The following SIRT3 variants were observed in gnomAD, a reference collection of about 807,000 sequenced individuals.
SIRT3 encodes sirtuin 3.
A neutral mutation model predicts 33.5 loss-of-function variants in SIRT3; 26 were observed. The observed-to-expected ratio is 0.78, with a 90% CI of 0.57 to 1.08. SIRT3 has a LOEUF of 1.08. Among genes scored for constraint, SIRT3 ranks in the 50% least tolerant of loss-of-function variants. SIRT3 has a pLI of 0.00. For synonymous variants in SIRT3, 237 were observed against 222.1 expected, an observed-to-expected ratio of 1.07 and a Z score of -0.60; for missense variants, 585 against 530.1, an observed-to-expected ratio of 1.10 and a Z score of -1.02.
At chr11:217,108 C>T (rs1304902246) in intron 6 of SIRT3, among the ~76,000 whole-genome samples, 3 of 152,240 alleles carry the variant, frequency 2.0e-5, no homozygotes, top group Non-Finnish European at 4.4e-5. Context: ...TAAGCCACTT[C>T]CAAAACTCCA....
At chr11:234,429 T>TTTTGTTTTGTTTTGTTTTG (rs1858609149) in intron 1 of SIRT3, among the ~76,000 whole-genome samples, 1 of 147,794 alleles carries the variant, frequency 6.8e-6, no homozygotes, top group African/African-American at 2.4e-5. Flanking sequence ...TTTTGTTTTG[T>TTTTGTTTTGTTTTGTTTTG]TTTGAGACGG....
At chr11:236,006 G>C (rs202235223) in intron 1 of SIRT3, 42 bp downstream of exon 1, 48 of 1,423,526 alleles carry the variant, frequency 3.4e-5, no homozygotes, top group Middle Eastern at 3.7e-4. Context: ...GCGAGGTGTC[G>C]ACAACGAACA....
chr11:224,100 A>G lies in SIRT3; in HGVS notation c.947T>C (p.Leu316Pro), dbSNP rs1374797893. Reference sequence around the variant, plus strand: ...AACCTCCAGGGAGGTCCCAAGGATGAGCAGCAGATCTGCCATGGGGAAATC... The same window carrying G: ...AACCTCCAGGGAGGTCCCAAGGATGGGCAGCAGATCTGCCATGGGGAAATC... The part of the protein sequence containing the change: ...VVDFPMADLL[L>P]ILGTSLEVEP... The change falls in exon 5 of 7, where the codon CTC becomes CCC. Residue 316 changes from leucine (L) to proline (P), a missense_variant. Physicochemically the swap from Leu to Pro is moderately conservative, Grantham distance 98. Coordinates refer to ENST00000382743, the MANE Select transcript of SIRT3 (RefSeq NM_012239.6). 4 of 1,614,224 alleles carry G rather than the reference A, an allele frequency of 2.5e-6. No homozygotes were observed. The East Asian group carries it at 8.9e-5, about 36-fold the overall frequency.
chr11:222,081 G>C (rs1292314616), intron 5 of SIRT3, among the ~76,000 whole-genome samples: 1 of 152,146 alleles, frequency 6.6e-6, no homozygotes, highest in African/African-American at 2.4e-5. Context: ...GGTGGCCCAA[G>C]TGTCCACACC....
intron 4 of SIRT3, among the ~76,000 whole-genome samples, chr11:228,158 T>C (rs955257379): frequency 2.0e-5 from 3 of 152,178 alleles, no homozygotes; most frequent in African/African-American, 7.2e-5. Context: ...CAGTACATAT[T>C]TATAGTAAAA....
chr11:219,485 G>A (rs1189289125), intron 5 of SIRT3, among the ~76,000 whole-genome samples: 1 of 152,134 alleles, frequency 6.6e-6, no homozygotes, highest in Non-Finnish European at 1.5e-5. Flanking sequence ...GCACCCAGAC[G>A]AGCTGGTGCC....
At chr11:234,617 G>A (rs1007551500) in intron 1 of SIRT3, among the ~76,000 whole-genome samples, 4 of 152,090 alleles carry the variant, frequency 2.6e-5, no homozygotes, top group Non-Finnish European at 4.4e-5. Flanking sequence ...GGGTTTCACT[G>A]TGTTAGCCAG....
At position 218,823 on chromosome 11, in the gene SIRT3, A is replaced by C. The variant is rs1209535154; in HGVS notation, c.1179+9T>G. 10 of 1,614,180 alleles carry C rather than the reference A, an allele frequency of 6.2e-6. No individual in the cohort carries two copies. The highest frequency in any genetic ancestry group is 8.5e-6 in the Non-Finnish European group (10 of 1,180,030). ...AGCCCCTTGGATGGTCCTCCTCAGC[A>C]GTCTGTACCTTCCCAGTTTCCCGCT... is the stretch of plus-strand genomic sequence containing the variant. On this transcript the variant is annotated intron_variant, in intron 6 of 6. Coordinates refer to ENST00000382743, the MANE Select transcript of SIRT3 (RefSeq NM_012239.6).
chr11:234,838 G>A (rs1410337359), intron 1 of SIRT3, among the ~76,000 whole-genome samples: 3 of 152,130 alleles, frequency 2.0e-5, no homozygotes, highest in African/African-American at 7.2e-5. Flanking sequence ...CAGAATAAGA[G>A]CTCAGTCAGG....
At chr11:219,969 C>T (rs567078119) in intron 5 of SIRT3, among the ~76,000 whole-genome samples, 1 of 152,134 alleles carries the variant, frequency 6.6e-6, no homozygotes, top group South Asian at 2.1e-4. Context: ...GTTTATATTG[C>T]TAATTGATAA....
chr11:233,730 C>A, intron 1 of SIRT3, 196 bp from the exon 2 acceptor site: 1 of 596,580 alleles, frequency 1.7e-6, no homozygotes, highest in Non-Finnish European at 2.9e-6. Flanking sequence ...AATCAGAAAT[C>A]AAGACTTACT....
intron 5 of SIRT3, among the ~76,000 whole-genome samples, chr11:220,003 A>G (rs552840656): frequency 6.6e-6 from 1 of 152,352 alleles, no homozygotes; most frequent in African/African-American, 2.4e-5. Flanking sequence ...CATATAATTT[A>G]TGAACTAATT....
In SIRT3 at chr11:233,412, C is replaced by A; in HGVS notation, c.404G>T (p.Arg135Ile). 2 of 1,614,144 alleles carry A rather than the reference C, an allele frequency of 1.2e-6. No individual in the cohort carries two copies. The highest frequency in any genetic ancestry group is 3.3e-5 in the Admixed American group (2 of 60,022). Residue 135 changes from arginine (R) to isoleucine (I), a missense_variant, in exon 2 of 7, where the codon AGA becomes ATA. Arg to Ile is a moderately conservative substitution (Grantham distance 97, BLOSUM62 -3). Coordinates refer to ENST00000382743, the MANE Select transcript of SIRT3 (RefSeq NM_012239.6). ...LQDVAELIRARACQRVVVMVG... is the reference protein window; with the variant it reads ...LQDVAELIRAIACQRVVVMVG... ...CATGACCACCACCCTCTGGCAGGCT[C>A]TGGCCCGAATCAGCTCAGCTACATC...
intron 4 of SIRT3, among the ~76,000 whole-genome samples, chr11:229,936 A>C (rs555507419): frequency 2.9e-4 from 44 of 152,356 alleles, no homozygotes; most frequent in African/African-American, 8.2e-4. Flanking sequence ...ATGTACAAAC[A>C]AACCAACTGT....
upstream of SIRT3, chr11:236,370 C>CCGGCGCCCCGCCCCCGGCGCCCCGCCCG (rs1554894215): frequency 4.9e-4 from 571 of 1,175,092 alleles, 5 homozygotes; most frequent in East Asian, 0.017. Flanking sequence ...CGCCCCGCCC[C>CCGGCGCCCCGCCCCCGGCGCCCCGCCCG]CGGCGCCCCG....
At chr11:217,613 C>A (rs527595639) in intron 6 of SIRT3, among the ~76,000 whole-genome samples, 1 of 152,300 alleles carries the variant, frequency 6.6e-6, no homozygotes, top group Admixed American at 6.5e-5. Context: ...AATGAAGTGA[C>A]CATGATTGGT....
rs777556723 is a variant in SIRT3, at chr11:223,740, C to T, written c.969+338G>A. On this transcript the variant is annotated intron_variant, in intron 5 of 6. Coordinates refer to ENST00000382743, the MANE Select transcript of SIRT3 (RefSeq NM_012239.6). This position sits in a 1 kb window ranked among gnomAD's most constrained non-coding sequence, Gnocchi z 4.8. The stretch of plus-strand genomic sequence containing the variant: ...GCTGCTGCTCCCTCAGCCTGGAACC[C>T]CAGCTGAATCCATTCACCTTCCCAA... The T allele has an allele frequency of 1.6e-5, 14 of 880,706 alleles. No individual in the cohort carries two copies. Among genetic ancestry groups the T allele is most frequent in the Non-Finnish European group, 2.6e-5 (14 of 531,344 alleles). The allele number at this position is 880,706 out of a possible 1,614,324, so 54.6% of individuals were successfully genotyped here. A position where few individuals can be genotyped will look rare whatever the true frequency, so the allele number is the denominator to read the frequency against.
intron 2 of SIRT3, 34 bp from the exon 3 acceptor site, chr11:233,249 G>A: frequency 6.2e-7 from 1 of 1,606,590 alleles, no homozygotes; most frequent in Non-Finnish European, 8.5e-7. Context: ...TGAGGCCTTT[G>A]GAAGAGGACA....
In SIRT3 at chr11:234,790, C is replaced by G. The variant is rs149372081; in HGVS notation, c.282-1256G>C. Among the ~76,000 whole-genome samples, 980 of 152,086 alleles carry G rather than the reference C, an allele frequency of 6.4e-3. 5 individuals are homozygous for G. The highest frequency in any genetic ancestry group is 0.011 in the South Asian group (55 of 4,814). ...GCTCCACGTGTTTGTAGGTCCTGGTCCCTGCTCCATCCATAGCACCTAGAA... is the reference window on the plus strand; with the variant it reads ...GCTCCACGTGTTTGTAGGTCCTGGTGCCTGCTCCATCCATAGCACCTAGAA... On this transcript the variant is annotated intron_variant, in intron 1 of 6. Transcript: ENST00000382743.
Sources: allele counts gnomAD v4.1 joint callset (sites outside exome capture counted in the v4.1 genomes callset), GRCh38; gene constraint gnomAD v4.1.1; non-coding constraint Gnocchi (gnomAD v3.1); transcripts MANE v1.5; gene names NCBI Gene and HGNC (gene_info 2026-07-23, HGNC 2026-07-21).